The following NTM variants were observed in gnomAD, a reference collection of about 807,000 sequenced individuals.
The protein encoded by NTM is neurotrimin, also known as IgLON family member 2.
In NTM, 13 loss-of-function variants were observed where a neutral mutation model predicts 42.1. That is an observed-to-expected ratio of 0.31 (90% CI 0.20 to 0.49). The LOEUF (loss-of-function observed/expected upper bound fraction) is 0.49, where lower values mean the gene tolerates loss of function less well. Ranked by LOEUF, NTM falls within the 20% of genes least tolerant of loss-of-function variation. NTM has a pLI of 0.99. For missense variants in NTM, 373 were observed against 452.8 expected, an observed-to-expected ratio of 0.82 and a Z score of 1.60; for synonymous variants, 187 against 179.2, an observed-to-expected ratio of 1.04 and a Z score of -0.35.
Position 131,370,696 on chromosome 11 carries a change from T to C in NTM, c.-111T>C. 1.1e-6 allele frequency: 1 copy of C among 887,262 alleles called. No homozygotes were observed. The highest frequency in any genetic ancestry group is 2.3e-4 in the Middle Eastern group (1 of 4,424). The allele number at this position is 887,262 out of a possible 1,614,324, so 55.0% of individuals were successfully genotyped here. ...CTTGTTGTGTCCTTCAGCAAAACAG[T>C]GGATTTAAATCTCCTTGCACAAGCT... On this transcript the variant is annotated 5_prime_UTR_variant, in exon 1 of 9. Transcript: ENST00000683400.
At chr11:131,873,959 T>TTA (rs898094775) in intron 1 of NTM, among the ~76,000 whole-genome samples, 8 of 129,716 alleles carry the variant, frequency 6.2e-5, no homozygotes, top group East Asian at 2.1e-4. Flanking sequence ...TTTCCAGCTT[T>TTA]TATATATATA....
chr11:132,033,602 C>T (rs987008927), intron 2 of NTM, among the ~76,000 whole-genome samples: 3 of 152,246 alleles, frequency 2.0e-5, no homozygotes, highest in Middle Eastern at 3.4e-3. Context: ...AGGAATTGCT[C>T]GTTGCTCCCC....
In NTM at chr11:131,914,730, C is replaced by T. The variant is rs530790628; in HGVS notation, c.167+3082C>T. On this transcript the variant is annotated intron_variant, in intron 2 of 8. Coordinates refer to ENST00000683400, the MANE Select transcript of NTM (RefSeq NM_001352005.2). ...GCAGTCTCCCACTCTTTCTGCCCTC[C>T]CGCTGGCATTCTGTAGGCATATTTC... Among the ~76,000 whole-genome samples, 4 of 152,308 alleles carry T rather than the reference C, an allele frequency of 2.6e-5. No homozygotes were observed. In the East Asian group the frequency reaches 5.8e-4, roughly 22 times the overall value.
At chr11:131,475,546 C>T (rs1952842709) in intron 1 of NTM, among the ~76,000 whole-genome samples, 2 of 151,684 alleles carry the variant, frequency 1.3e-5, no homozygotes. Context: ...CTACATATCA[C>T]AGTCAACATC....
At chr11:131,695,033 G>GCGC (rs993008437) in intron 1 of NTM, among the ~76,000 whole-genome samples, 37 of 152,142 alleles carry the variant, frequency 2.4e-4, no homozygotes, top group Admixed American at 8.5e-4. Context: ...GCTGGGAGGA[G>GCGC]CGCCGCCGCC....
At chr11:131,683,204 C>G (rs1002299045) in intron 1 of NTM, among the ~76,000 whole-genome samples, 1 of 152,224 alleles carries the variant, frequency 6.6e-6, no homozygotes, top group Admixed American at 6.5e-5. Flanking sequence ...AATGCTAACA[C>G]CTCCCTGGCA....
intron 2 of NTM, among the ~76,000 whole-genome samples, chr11:131,944,810 A>G (rs1246697391): frequency 1.3e-5 from 2 of 152,242 alleles, no homozygotes; most frequent in African/African-American, 2.4e-5. Flanking sequence ...GAAATGTATC[A>G]TGCCACGGCA....
intron 1 of NTM, among the ~76,000 whole-genome samples, chr11:131,379,184 T>G (rs1394638071): frequency 6.6e-6 from 1 of 152,214 alleles, no homozygotes; most frequent in Admixed American, 6.5e-5. Flanking sequence ...TCAGAGGGAC[T>G]TTCAAGATAC....
intron 1 of NTM, chr11:131,661,105 CT>C (rs1565389392): frequency 4.1e-6 from 5 of 1,225,834 alleles, no homozygotes; most frequent in Non-Finnish European, 5.4e-6. Context: ...GGTCTTCCCC[CT>C]AGATTCGGTG....
chr11:131,869,815 C>T (rs1000014396), intron 1 of NTM, among the ~76,000 whole-genome samples: 5 of 152,160 alleles, frequency 3.3e-5, no homozygotes, highest in Non-Finnish European at 5.9e-5. Flanking sequence ...AGGTTAGAGC[C>T]TGGCCCATCC....
chr11:131,952,626 T>C lies in NTM; in HGVS notation c.167+40978T>C, dbSNP rs1004124635. On this transcript the variant is annotated intron_variant, in intron 2 of 8. Coordinates refer to ENST00000683400, the MANE Select transcript of NTM (RefSeq NM_001352005.2). ...CAACTGTGGATACGCATAACCTGAT[T>C]GTTAAGGTGTTACTTTGAGAGATCT... Among the ~76,000 whole-genome samples, 3 of 152,234 alleles carry C rather than the reference T, an allele frequency of 2.0e-5. No individual in the cohort carries two copies. The East Asian group carries it at 5.8e-4, about 29-fold the overall frequency.
At chr11:132,289,159 A>AT (rs1316799460) in intron 4 of NTM, among the ~76,000 whole-genome samples, 1 of 152,178 alleles carries the variant, frequency 6.6e-6, no homozygotes, top group Non-Finnish European at 1.5e-5. Flanking sequence ...ATTTGCAACA[A>AT]TTCTCAGGGA....
At chr11:131,896,679 C>CTTT (rs71067345) in intron 1 of NTM, among the ~76,000 whole-genome samples, 211 of 100,590 alleles carry the variant, frequency 2.1e-3, no homozygotes, top group Non-Finnish European at 2.5e-3. Context: ...ACATTTTAGG[C>CTTT]TTTTTTTTTT....
chr11:131,987,011 GT>G (rs1357692110), intron 2 of NTM, among the ~76,000 whole-genome samples: 2 of 152,170 alleles, frequency 1.3e-5, no homozygotes, highest in Admixed American at 1.3e-4. Context: ...GGGAGAAATG[GT>G]TGTTGTTGAG....
intron 1 of NTM, among the ~76,000 whole-genome samples, chr11:131,616,558 G>A (rs761196654): frequency 6.6e-6 from 1 of 152,180 alleles, no homozygotes; most frequent in African/African-American, 2.4e-5. Flanking sequence ...GTTTAGCAAT[G>A]GCCTAGTGAC....
chr11:132,213,797 G>C (rs997429693), intron 4 of NTM, among the ~76,000 whole-genome samples: 3 of 116,104 alleles, frequency 2.6e-5, no homozygotes, highest in East Asian at 2.1e-4. Context: ...TGCAGTGGCG[G>C]GATCTCGGCT....
chr11:132,190,736 TAAA>T (rs35431586), intron 3 of NTM, among the ~76,000 whole-genome samples: 1 of 132,708 alleles, frequency 7.5e-6, no homozygotes, highest in African/African-American at 2.7e-5. Context: ...GAATCCATCT[TAAA>T]AAAAAAAAAA....
chr11:131,995,841 A>G (rs936976118), intron 2 of NTM, among the ~76,000 whole-genome samples: 2 of 152,190 alleles, frequency 1.3e-5, no homozygotes, highest in South Asian at 2.1e-4. Context: ...TGGAAAATGA[A>G]TGTAGCTACA....
chr11:131,996,527 AT>A (rs1021349585), intron 2 of NTM, among the ~76,000 whole-genome samples: 3 of 152,116 alleles, frequency 2.0e-5, no homozygotes, highest in African/African-American at 7.2e-5. Context: ...TGCTACTCAA[AT>A]CCCACCTACA....
Sources: allele counts gnomAD v4.1 joint callset (sites outside exome capture counted in the v4.1 genomes callset), GRCh38; gene constraint gnomAD v4.1.1; transcripts MANE v1.5; gene names NCBI Gene and HGNC (gene_info 2026-07-23, HGNC 2026-07-21).